The following SIPA1L1 variants were observed in gnomAD, a reference collection of about 807,000 sequenced individuals.
SIPA1L1 encodes signal induced proliferation associated 1 like 1.
In SIPA1L1, 26 loss-of-function variants were observed where a neutral mutation model predicts 162.7. The observed-to-expected ratio is 0.16, with a 90% CI of 0.12 to 0.22. The LOEUF (loss-of-function observed/expected upper bound fraction) is 0.22, where lower values mean the gene tolerates loss of function less well. SIPA1L1 is among the 10% of genes least tolerant of loss of function. The pLI is 1.00. For synonymous variants in SIPA1L1, 829 were observed against 837.4 expected, an observed-to-expected ratio of 0.99 and a Z score of 0.17; for missense variants, 1,874 against 2,241.0, an observed-to-expected ratio of 0.84 and a Z score of 3.31.
rs2039484793 is a variant in SIPA1L1 at position 71,377,321 on chromosome 14, GCTC to G, written c.-465+56144_-465+56146del. ...GACAGGGCGGCTGCCGGGTGGAGGG[GCTC>G]CTCAACTTCTCAGACGGGGCGGCCG... On this transcript the variant is annotated intron_variant, in intron 2 of 23. Coordinates refer to ENST00000381232, the MANE Select transcript of SIPA1L1 (RefSeq NM_001386936.1). The surrounding 1 kb of genome is among the most constrained non-coding windows in gnomAD (Gnocchi z 4.8). Among the ~76,000 whole-genome samples the G allele has an allele frequency of 6.6e-6, 1 of 151,310 alleles. No individual in the cohort carries two copies. The highest frequency in any genetic ancestry group is 2.4e-5 in the African/African-American group (1 of 41,094).
chr14:71,452,168 C>A (rs962953288), intron 2 of SIPA1L1, among the ~76,000 whole-genome samples: 1 of 150,150 alleles, frequency 6.7e-6, no homozygotes, highest in Non-Finnish European at 1.5e-5. Flanking sequence ...TACAGGAAAC[C>A]CCCCCCTCAT....
chr14:71,708,015 G>GTTTTT (rs34838057), intron 16 of SIPA1L1, among the ~76,000 whole-genome samples: 3 of 100,296 alleles, frequency 3.0e-5, no homozygotes, highest in Admixed American at 1.1e-4. Context: ...GTTTTTTGGT[G>GTTTTT]TTTTTTTTTT....
chr14:71,490,468 A>G (rs1306909277), intron 2 of SIPA1L1, among the ~76,000 whole-genome samples: 1 of 152,206 alleles, frequency 6.6e-6, no homozygotes, highest in Non-Finnish European at 1.5e-5. Context: ...AACTGTGTCT[A>G]AATTTTTTTT....
At chr14:71,476,514 C>T (rs1047468564) in intron 2 of SIPA1L1, among the ~76,000 whole-genome samples, 1 of 152,098 alleles carries the variant, frequency 6.6e-6, no homozygotes, top group African/African-American at 2.4e-5. Flanking sequence ...ATCTTTAAAA[C>T]TCATTTCTGT....
At chr14:71,666,733 C>G (rs546715415) in intron 10 of SIPA1L1, among the ~76,000 whole-genome samples, 1 of 151,802 alleles carries the variant, frequency 6.6e-6, no homozygotes, top group African/African-American at 2.4e-5. Flanking sequence ...GGAATTAGAC[C>G]AAATTGTTAA....
At chr14:71,570,144 A>G (rs2031678366) in intron 4 of SIPA1L1, among the ~76,000 whole-genome samples, 1 of 152,218 alleles carries the variant, frequency 6.6e-6, no homozygotes. Flanking sequence ...CAGGTAAACC[A>G]ACTAGATCTC....
intron 3 of SIPA1L1, among the ~76,000 whole-genome samples, chr14:71,523,547 T>C (rs1255826763): frequency 1.3e-5 from 2 of 152,236 alleles, no homozygotes; most frequent in African/African-American, 4.8e-5. Flanking sequence ...ATTTGTTTTT[T>C]ATCAACTCTT....
chr14:71,730,829 A>G (rs1299751755), intron 20 of SIPA1L1, among the ~76,000 whole-genome samples: 1 of 152,196 alleles, frequency 6.6e-6, no homozygotes, highest in Non-Finnish European at 1.5e-5. Flanking sequence ...GGGTACCTCC[A>G]TGTTCTTGCA....
At chr14:71,649,454 A>G (rs963758635) in intron 7 of SIPA1L1, among the ~76,000 whole-genome samples, 1 of 152,152 alleles carries the variant, frequency 6.6e-6, no homozygotes, top group African/African-American at 2.4e-5. Flanking sequence ...AGCCTCCCAA[A>G]GTGCTGGGAT....
intron 3 of SIPA1L1, among the ~76,000 whole-genome samples, chr14:71,514,527 C>T (rs1389580354): frequency 1.3e-5 from 2 of 152,174 alleles, no homozygotes; most frequent in Non-Finnish European, 2.9e-5. Flanking sequence ...GACTACCTTT[C>T]CCTGGTGCTG....
At chr14:71,484,613 T>C (rs2048604936) in intron 2 of SIPA1L1, among the ~76,000 whole-genome samples, 1 of 152,166 alleles carries the variant, frequency 6.6e-6, no homozygotes, top group Non-Finnish European at 1.5e-5. Flanking sequence ...AGTTGGTGAT[T>C]ATTAGAATCA....
At chr14:71,452,169 C>T (rs1188394737) in intron 2 of SIPA1L1, among the ~76,000 whole-genome samples, 1 of 151,566 alleles carries the variant, frequency 6.6e-6, no homozygotes, top group African/African-American at 2.4e-5. Context: ...ACAGGAAACC[C>T]CCCCCTCATG....
chr14:71,664,675 C>A (rs2043837803), intron 10 of SIPA1L1, among the ~76,000 whole-genome samples: 1 of 152,096 alleles, frequency 6.6e-6, no homozygotes, highest in South Asian at 2.1e-4. Flanking sequence ...ATTTTTTGTA[C>A]CCCAAGTGCT....
At chr14:71,424,016 CT>C (rs2043380957) in intron 2 of SIPA1L1, among the ~76,000 whole-genome samples, 1 of 152,006 alleles carries the variant, frequency 6.6e-6, no homozygotes, top group Non-Finnish European at 1.5e-5. Context: ...CTTTCACTTC[CT>C]TGTTTAATTC....
chr14:71,698,062 C>G (rs1179980457), intron 13 of SIPA1L1, among the ~76,000 whole-genome samples: 1 of 152,158 alleles, frequency 6.6e-6, no homozygotes. Flanking sequence ...ATTTCACTTC[C>G]TAAGTTATAA....
At chr14:71,472,370 T>C (rs1402469794) in intron 2 of SIPA1L1, among the ~76,000 whole-genome samples, 2 of 145,362 alleles carry the variant, frequency 1.4e-5, no homozygotes, top group African/African-American at 5.1e-5. Flanking sequence ...AAAAAAAAAA[T>C]CCAAAAAACC....
chr14:71,330,196 G>A (rs2034354068), intron 2 of SIPA1L1: 2 of 585,364 alleles, frequency 3.4e-6, no homozygotes, highest in Non-Finnish European at 6.3e-6. Flanking sequence ...ATACAGTTTG[G>A]GTAATGAAGT....
intron 4 of SIPA1L1, among the ~76,000 whole-genome samples, chr14:71,542,385 G>T (rs961044346): frequency 7.5e-6 from 1 of 132,846 alleles, no homozygotes; most frequent in South Asian, 2.5e-4. Context: ...TGCTGCTGCT[G>T]CTTCTTCCTG....
chr14:71,543,956 C>T (rs1188812013), intron 4 of SIPA1L1, among the ~76,000 whole-genome samples: 113 of 147,416 alleles, frequency 7.7e-4, no homozygotes, highest in Non-Finnish European at 1.1e-3. Flanking sequence ...CATATACGCA[C>T]ATGTATGTAT....
Sources: gnomAD v4.1 joint callset for allele counts (sites outside exome capture counted in the v4.1 genomes callset) on GRCh38, gnomAD v4.1.1 for gene constraint, Gnocchi (gnomAD v3.1) non-coding constraint, MANE v1.5 for transcripts, NCBI Gene and HGNC (gene_info 2026-07-23, HGNC 2026-07-21) for gene names.